CNTN4: variants seen among roughly 807,000 people sequenced by gnomAD.
CNTN4 encodes contactin-4.
A neutral mutation model predicts 122.5 loss-of-function variants in CNTN4; 77 were observed. The ratio of observed to expected loss-of-function variants is 0.63; its 90% confidence interval spans 0.52 to 0.76. CNTN4 has a LOEUF of 0.76. Ranked by LOEUF, CNTN4 falls within the 30% of genes least tolerant of loss-of-function variation. The probability of loss-of-function intolerance (pLI) is 0.00; values close to 1 mark genes in which losing one functional copy is unlikely to be tolerated. For missense variants in CNTN4, 1,256 were observed against 1,259.1 expected (o/e 1.00, Z 0.04); for synonymous variants, 512 against 447.0 (o/e 1.15, Z -1.83).
At chr3:2,873,518 A>G (rs2093809783) in intron 8 of CNTN4, among the ~76,000 whole-genome samples, 1 of 152,200 alleles carries the variant, frequency 6.6e-6, no homozygotes, top group Non-Finnish European at 1.5e-5. Context: ...TTTAAGACCA[A>G]AGGAGACCTT....
At chr3:2,490,869 G>T (rs966087381) in intron 3 of CNTN4, among the ~76,000 whole-genome samples, 2 of 152,104 alleles carry the variant, frequency 1.3e-5, no homozygotes. Flanking sequence ...AAGAAACACA[G>T]AAATTATTTC....
chr3:2,935,380 T>C (rs2094558865), intron 13 of CNTN4, among the ~76,000 whole-genome samples: 1 of 152,184 alleles, frequency 6.6e-6, no homozygotes, highest in Non-Finnish European at 1.5e-5. Flanking sequence ...TATTAATCCC[T>C]TCCTTGCAAG....
At chr3:2,661,718 A>G (rs1218165665) in intron 4 of CNTN4, among the ~76,000 whole-genome samples, 2 of 149,842 alleles carry the variant, frequency 1.3e-5, no homozygotes, top group Non-Finnish European at 3.0e-5. Flanking sequence ...AGGCTGAGGC[A>G]GGAGAATCGC....
At chr3:2,472,901 A>G (rs1458970135) in intron 3 of CNTN4, among the ~76,000 whole-genome samples, 2 of 152,002 alleles carry the variant, frequency 1.3e-5, no homozygotes, top group African/African-American at 4.8e-5. Context: ...GAGGGGTAGG[A>G]GTGTGGTGAG....
intron 13 of CNTN4, among the ~76,000 whole-genome samples, chr3:2,983,296 A>G (rs1694233559): frequency 6.8e-6 from 1 of 147,710 alleles, no homozygotes; most frequent in Non-Finnish European, 1.5e-5. Flanking sequence ...GTAAAGAACT[A>G]TGAATAAATG....
chr3:3,046,725 G>A (rs1172164736), intron 23 of CNTN4, among the ~76,000 whole-genome samples: 3 of 151,966 alleles, frequency 2.0e-5, no homozygotes, highest in East Asian at 1.9e-4. Context: ...ATCAACTACC[G>A]AGCAAAATAA....
chr3:2,926,105 C>G (rs1049336686), intron 13 of CNTN4, among the ~76,000 whole-genome samples: 10 of 152,320 alleles, frequency 6.6e-5, no homozygotes, highest in Admixed American at 3.9e-4. Flanking sequence ...CTTTCCCCAT[C>G]CTAAGTCCTT....
intron 3 of CNTN4, among the ~76,000 whole-genome samples, chr3:2,513,061 A>T (rs1559623030): frequency 1.3e-5 from 2 of 152,230 alleles, no homozygotes; most frequent in Non-Finnish European, 1.5e-5. Flanking sequence ...ATCTGGTAAG[A>T]TGAAGCAAAA....
chr3:2,913,633 G>T (rs191931849), intron 12 of CNTN4, among the ~76,000 whole-genome samples: 55 of 152,288 alleles, frequency 3.6e-4, no homozygotes, highest in Admixed American at 2.0e-3. Flanking sequence ...AAATCTGTAT[G>T]CACCTAATAT....
At chr3:2,408,431 A>G (rs1169329158) in intron 3 of CNTN4, among the ~76,000 whole-genome samples, 1 of 152,200 alleles carries the variant, frequency 6.6e-6, no homozygotes, top group East Asian at 1.9e-4. Flanking sequence ...AAGAGGTACA[A>G]TTTATAATTC....
chr3:2,975,462 G>T (rs1375611981), intron 13 of CNTN4, among the ~76,000 whole-genome samples: 1 of 152,122 alleles, frequency 6.6e-6, no homozygotes, highest in Admixed American at 6.5e-5. Context: ...TCAGGATAAT[G>T]ATACTCCTCA....
At chr3:2,364,712 A>T (rs778852062) in intron 3 of CNTN4, among the ~76,000 whole-genome samples, 5 of 152,160 alleles carry the variant, frequency 3.3e-5, no homozygotes, top group Non-Finnish European at 7.4e-5. Flanking sequence ...ATTATATCAA[A>T]TGTGGCCCAA....
At chr3:2,364,138 A>G (rs960277956) in intron 3 of CNTN4, among the ~76,000 whole-genome samples, 1 of 152,162 alleles carries the variant, frequency 6.6e-6, no homozygotes, top group Admixed American at 6.5e-5. Flanking sequence ...GGTATATTTC[A>G]ATTAAATTAA....
intron 6 of CNTN4, among the ~76,000 whole-genome samples, chr3:2,745,989 T>C (rs1030220783): frequency 4.2e-5 from 6 of 143,424 alleles, no homozygotes; most frequent in Non-Finnish European, 3.0e-5. Context: ...GATTGACACA[T>C]GTATAAATTT....
At chr3:2,687,230 C>T (rs2085475713) in intron 4 of CNTN4, among the ~76,000 whole-genome samples, 1 of 7,752 alleles carries the variant, frequency 1.3e-4, no homozygotes, top group African/African-American at 4.4e-4. Flanking sequence ...CGGCAATAGC[C>T]TAAAGCTGAG....
chr3:2,662,836 T>C (rs973742267), intron 4 of CNTN4, among the ~76,000 whole-genome samples: 2 of 152,140 alleles, frequency 1.3e-5, no homozygotes, highest in Non-Finnish European at 2.9e-5. Flanking sequence ...CTCATGCCTG[T>C]AATCCCAGCG....
intron 20 of CNTN4, among the ~76,000 whole-genome samples, chr3:3,041,305 C>A (rs1036824688): frequency 6.6e-6 from 1 of 152,224 alleles, no homozygotes; most frequent in Non-Finnish European, 1.5e-5. Context: ...CTGCATATTT[C>A]ATGTTCCAAC....
intron 3 of CNTN4, among the ~76,000 whole-genome samples, chr3:2,359,256 G>A (rs186706128): frequency 1.3e-5 from 2 of 151,882 alleles, no homozygotes; most frequent in East Asian, 3.9e-4. Flanking sequence ...TTACAGATGG[G>A]CTTATTTTCT....
In CNTN4 at chr3:2,600,005, C is replaced by CTTTTTTTTTTTTTTTTT. The variant is rs1220761684; in HGVS notation, c.55+28449_55+28450insTTTTTTTTTTTTTTTTT. ...CAACTCTATTTTGGTTTATGGAATT[C>CTTTTTTTTTTTTTTTTT]TTCTTTTTTTTTTTTTTTTTTTTTT... On this transcript the variant is annotated intron_variant, in intron 4 of 24. Transcript: ENST00000418658. Among the ~76,000 whole-genome samples, 10 of 28,268 alleles carry CTTTTTTTTTTTTTTTTT rather than the reference C, an allele frequency of 3.5e-4. 3 individuals carry two copies. Among genetic ancestry groups the CTTTTTTTTTTTTTTTTT allele is most frequent in the Non-Finnish European group, 6.6e-4 (7 of 10,614 alleles). 18.5% of individuals were successfully genotyped at this position (28,268 alleles called of 152,430 possible). A position where few individuals can be genotyped will look rare whatever the true frequency, so the allele number is the denominator to read the frequency against.
Sources: allele counts gnomAD v4.1 joint callset (sites outside exome capture counted in the v4.1 genomes callset), GRCh38; gene constraint gnomAD v4.1.1; transcripts MANE v1.5; gene names NCBI Gene and HGNC (gene_info 2026-07-23, HGNC 2026-07-21).